The following SLC38A4 variants were observed in gnomAD, a reference collection of about 807,000 sequenced individuals.
The protein encoded by SLC38A4 is sodium-coupled neutral amino acid transporter 4.
SLC38A4 carries 20 observed loss-of-function variants against 63.1 expected under a neutral mutation model. That is an observed-to-expected ratio of 0.32 (90% CI 0.22 to 0.46). SLC38A4 has a LOEUF of 0.46. Among genes scored for constraint, SLC38A4 ranks in the 20% least tolerant of loss-of-function variants. The probability of loss-of-function intolerance (pLI) is 1.00; values close to 1 mark genes in which losing one functional copy is unlikely to be tolerated. For missense variants in SLC38A4, 526 were observed against 663.6 expected (o/e 0.79, Z 2.28); for synonymous variants, 230 against 225.5 (o/e 1.02, Z -0.18).
intron 12 of SLC38A4, 31 bp downstream of exon 12, chr12:46,778,258 A>G (rs1328209308): frequency 1.9e-6 from 3 of 1,603,480 alleles, no homozygotes; most frequent in Non-Finnish European, 2.6e-6. Flanking sequence ...TTTCAAAGCA[A>G]ATTAGAATGC....
Position 46,788,701 on chromosome 12 carries a change from G to C in SLC38A4, c.120-83C>G. 4 of 1,257,166 alleles carry C rather than the reference G, an allele frequency of 3.2e-6. No homozygotes were observed. The South Asian group carries it at 5.1e-5, about 16-fold the overall frequency. 77.9% of individuals were successfully genotyped at this position (1,257,166 alleles called of 1,614,324 possible). A position where few individuals can be genotyped will look rare whatever the true frequency, so the allele number is the denominator to read the frequency against. ...CATATGTATGTTTCAGGTGATCTAA[G>C]TAACTGAATCAGAGGAGGGGAAATA... is the stretch of plus-strand genomic sequence containing the variant. On this transcript the variant is annotated intron_variant, in intron 3 of 16. Transcript: ENST00000266579.
chr12:46,784,501 T>C (rs757264960), intron 7 of SLC38A4, 41 bp downstream of exon 7: 2 of 1,514,440 alleles, frequency 1.3e-6, no homozygotes, highest in Non-Finnish European at 1.8e-6. Flanking sequence ...GAACACGCTA[T>C]AGAAAGTTTA....
chr12:46,773,258 G>A (rs944574799), intron 14 of SLC38A4, among the ~76,000 whole-genome samples: 1 of 152,018 alleles, frequency 6.6e-6, no homozygotes, highest in Non-Finnish European at 1.5e-5. Flanking sequence ...GACAAAGCAA[G>A]ATTCATTTGA....
upstream of SLC38A4, among the ~76,000 whole-genome samples, chr12:46,827,087 T>G (rs1249207810): frequency 6.6e-6 from 1 of 152,226 alleles, no homozygotes; most frequent in African/African-American, 2.4e-5. Flanking sequence ...ATAGTCATTT[T>G]AATCATGAAT....
chr12:46,791,803 A>G (rs1306182939), intron 3 of SLC38A4, among the ~76,000 whole-genome samples: 1 of 152,044 alleles, frequency 6.6e-6, no homozygotes, highest in Non-Finnish European at 1.5e-5. Flanking sequence ...GGGGGAGTAG[A>G]GTAATTTGGA....
chr12:46,800,309 G>A (rs907129770), intron 2 of SLC38A4, among the ~76,000 whole-genome samples: 6 of 152,038 alleles, frequency 3.9e-5, no homozygotes, highest in African/African-American at 1.4e-4. Context: ...CTGTGATTTT[G>A]TCATCACTTT....
chr12:46,818,155 G>C (rs1939476812), intron 1 of SLC38A4, among the ~76,000 whole-genome samples: 1 of 151,772 alleles, frequency 6.6e-6, no homozygotes, highest in South Asian at 2.1e-4. Context: ...ATCCATGCTA[G>C]CATTTGTTTG....
intron 4 of SLC38A4, 129 bp from the exon 5 acceptor site, chr12:46,788,160 A>G (rs1312217955): frequency 1.5e-6 from 1 of 649,746 alleles, no homozygotes. Flanking sequence ...TTACAGGAGT[A>G]AAGCCATTAC....
At chr12:46,831,585 G>C (rs1009634881) in intron 1 of SLC38A4, among the ~76,000 whole-genome samples, 1 of 152,240 alleles carries the variant, frequency 6.6e-6, no homozygotes, top group African/African-American at 2.4e-5. Context: ...ACCGCCCAGA[G>C]ACCAGGGGCC....
At chr12:46,790,906 C>T (rs575572989) in intron 3 of SLC38A4, among the ~76,000 whole-genome samples, 4 of 151,784 alleles carry the variant, frequency 2.6e-5, no homozygotes, top group South Asian at 2.1e-4. Flanking sequence ...AGATAAAACC[C>T]ATCTCTTTAA....
Position 46,793,085 on chromosome 12 carries a change from G to A in SLC38A4, c.-14C>T, listed in dbSNP as rs184110826. ...CATGGGATCCATTTGAGCTGTCAGC[G>A]CTTTCTTGTCCACACACAAGCCCCT... On this transcript the variant is annotated 5_prime_UTR_variant, in exon 3 of 17. Transcript: ENST00000266579. The A allele has an allele frequency of 9.3e-5, 148 of 1,588,502 alleles. No homozygotes were observed. In the Admixed American group the frequency reaches 9.9e-4, roughly 11 times the overall value.
intron 7 of SLC38A4, among the ~76,000 whole-genome samples, chr12:46,780,844 C>T (rs1938623337): frequency 6.6e-6 from 1 of 151,820 alleles, no homozygotes; most frequent in Non-Finnish European, 1.5e-5. Flanking sequence ...TTTTTCAAGC[C>T]CACCCATTTG....
Position 46,785,154 on chromosome 12 carries a change from A to G in SLC38A4, c.350T>C (p.Ile117Thr). The change falls in exon 6 of 17, where the codon ATA becomes ACA. Residue 117 changes from isoleucine to threonine, a missense_variant. Coordinates refer to ENST00000266579, the MANE Select transcript of SLC38A4 (RefSeq NM_018018.5). The part of the protein sequence containing the change: ...LFIIMLLAVA[I>T]LSLYSVHLLL... ...AAGGTGAACTGAATACAGTGATAAT[A>G]TTGCCACAGCAAGCAGCATGATTCT... The G allele has an allele frequency of 6.2e-7, 1 of 1,612,878 alleles. No individual in the cohort carries two copies. Among genetic ancestry groups the G allele is most frequent in the South Asian group, 1.1e-5 (1 of 91,032 alleles).
At chr12:46,773,362 C>T (rs1254686096) in intron 14 of SLC38A4, among the ~76,000 whole-genome samples, 2 of 152,040 alleles carry the variant, frequency 1.3e-5, no homozygotes, top group African/African-American at 4.8e-5. Context: ...CTCTGTGGGG[C>T]AGTGGAGCAC....
chr12:46,816,466 TC>T (rs1282304494), intron 1 of SLC38A4, among the ~76,000 whole-genome samples: 2 of 151,904 alleles, frequency 1.3e-5, no homozygotes, highest in African/African-American at 4.8e-5. Flanking sequence ...AAAGTGAACC[TC>T]AAAAAACTTT....
intron 1 of SLC38A4, among the ~76,000 whole-genome samples, chr12:46,820,009 G>A (rs979913896): frequency 2.0e-5 from 3 of 151,884 alleles, no homozygotes; most frequent in Non-Finnish European, 4.4e-5. Context: ...GGGCCTCACT[G>A]TGTTGTTTTA....
intron 1 of SLC38A4, among the ~76,000 whole-genome samples, chr12:46,825,544 C>T (rs1294731160): frequency 6.6e-6 from 1 of 152,156 alleles, no homozygotes; most frequent in South Asian, 2.1e-4. Flanking sequence ...CTTTGGATTG[C>T]TTTTCAGGCA....
chr12:46,792,455 A>G (rs1437105224), intron 3 of SLC38A4, among the ~76,000 whole-genome samples: 2 of 152,088 alleles, frequency 1.3e-5, no homozygotes, highest in Admixed American at 1.3e-4. Flanking sequence ...AACTTTATAA[A>G]TGAGGCAATT....
intron 3 of SLC38A4, among the ~76,000 whole-genome samples, chr12:46,792,492 C>T (rs576051526): frequency 7.9e-5 from 12 of 152,094 alleles, no homozygotes; most frequent in South Asian, 4.2e-4. Flanking sequence ...CCAGTAGAGA[C>T]GTGCAGTAGA....
Sources: allele counts gnomAD v4.1 joint callset (sites outside exome capture counted in the v4.1 genomes callset), GRCh38; gene constraint gnomAD v4.1.1; transcripts MANE v1.5; gene names NCBI Gene and HGNC (gene_info 2026-07-23, HGNC 2026-07-21).